SAT2: variants seen among roughly 807,000 people sequenced by gnomAD.
SAT2 encodes thialysine N-epsilon-acetyltransferase.
SAT2 carries 19 observed loss-of-function variants against 24.8 expected under a neutral mutation model. The ratio of observed to expected loss-of-function variants is 0.77; its 90% CI spans 0.53 to 1.12. The LOEUF (loss-of-function observed/expected upper bound fraction) is 1.12, where lower values mean the gene tolerates loss of function less well. Ranked by LOEUF, SAT2 falls within the 50% of genes most tolerant of loss-of-function variation. The pLI is 0.00. For missense variants in SAT2, 190 were observed against 210.7 expected, an observed-to-expected ratio of 0.90 and a Z score of 0.61; for synonymous variants, 77 against 77.4, an observed-to-expected ratio of 0.99 and a Z score of 0.03.
rs760884416 is a variant in SAT2 at position 7,626,487 on chromosome 17, C to A, written c.473G>T (p.Cys158Phe). 6.2e-7 allele frequency: 1 copy of A among 1,614,140 alleles called. No homozygotes were observed. Among genetic ancestry groups the A allele is most frequent in the Non-Finnish European group, 8.5e-7 (1 of 1,180,024 alleles). ...LTEAEGWHFFCFQGEATRKLA... is the reference protein window; with the variant it reads ...LTEAEGWHFFFFQGEATRKLA... The stretch of plus-strand genomic sequence containing the variant: ...CTTTCTCGTTGCCTCTCCTTGAAAG[C>A]AGAAGAAGTGCCAGCCCTCAGCTTC... The change falls in exon 6 of 6, where the codon TGC (cysteine) becomes TTC (phenylalanine). Residue 158 changes from cysteine (C) to phenylalanine (F), a missense_variant. Cys to Phe is a radical substitution (Grantham distance 205). Coordinates refer to ENST00000269298, the MANE Select transcript of SAT2 (RefSeq NM_133491.5).
In SAT2 at chr17:7,627,453, G is replaced by T. The variant is rs2072250357; in HGVS notation, c.67-39C>A. 6.2e-7 allele frequency: 1 copy of T among 1,612,094 alleles called. No homozygotes were observed. Among genetic ancestry groups the T allele is most frequent in the Non-Finnish European group, 8.5e-7 (1 of 1,178,440 alleles). ...ACGGAAGCTAGATTAGAGCAGAAGG[G>T]CCCCGCTGCTCCCCGAGCAGGTTCC... is the stretch of plus-strand genomic sequence containing the variant. On this transcript the variant is annotated intron_variant, in intron 1 of 5. Transcript: ENST00000269298. This position sits in a 1 kb window ranked among gnomAD's most constrained non-coding sequence, Gnocchi z 4.8.
In SAT2 at chr17:7,626,269, A is replaced by G. The variant is rs969586217; in HGVS notation, c.*178T>C. 3.1e-6 allele frequency: 2 copies of G among 648,606 alleles called. No homozygotes were observed. Among genetic ancestry groups the G allele is most frequent in the African/African-American group, 3.7e-5 (2 of 54,652 alleles). The allele number at this position is 648,606 out of a possible 1,614,324, so 40.2% of individuals were successfully genotyped here. A position where few individuals can be genotyped will look rare whatever the true frequency, so the allele number is the denominator to read the frequency against. On this transcript the variant is annotated 3_prime_UTR_variant, in exon 6 of 6. Coordinates refer to ENST00000269298, the MANE Select transcript of SAT2 (RefSeq NM_133491.5). ...TAATTCTTATTTATTTTTCACCCTC[A>G]ACAAGGAAGAAAGGTCTCTCCCTCA...
In SAT2 at chr17:7,627,759, G is replaced by A. The variant is rs764817192; in HGVS notation, c.-124C>T. 1 of 1,093,778 alleles carries A rather than the reference G, an allele frequency of 9.1e-7. No individual in the cohort carries two copies. Among genetic ancestry groups the A allele is most frequent in the Non-Finnish European group, 1.4e-6 (1 of 724,878 alleles). 67.8% of individuals were successfully genotyped at this position (1,093,778 alleles called of 1,614,324 possible). A position where few individuals can be genotyped will look rare whatever the true frequency, so the allele number is the denominator to read the frequency against. ...GAGCGGGGTGGCGGGAGTCGGGGGGGACGGCGGGGTAGCCGCGGCCTGGTA... is the reference window on the plus strand; with the variant it reads ...GAGCGGGGTGGCGGGAGTCGGGGGGAACGGCGGGGTAGCCGCGGCCTGGTA... On this transcript the variant is annotated 5_prime_UTR_variant, in exon 1 of 6. Coordinates refer to ENST00000269298, the MANE Select transcript of SAT2 (RefSeq NM_133491.5). This position sits in a 1 kb window ranked among gnomAD's most constrained non-coding sequence, Gnocchi z 4.8.
chr17:7,626,706 C>T (rs780112120), intron 5 of SAT2, 47 bp downstream of exon 5: 8 of 1,613,624 alleles, frequency 5.0e-6, no homozygotes, highest in African/African-American at 4.0e-5. Context: ...CCTCCATATA[C>T]CCTTGCTTCT....
In SAT2 at chr17:7,626,599, C is replaced by T; in HGVS notation, c.361G>A (p.Gly121Ser). ...ACGGCCAGGCGGAATTGGGAGCAGC[C>T]CTTATCCAAGGCCACCTGTGGGAGA... is the stretch of plus-strand genomic sequence containing the variant. ...KKVAEVALDKGCSQFRLAVLD... is the reference protein window; with the variant it reads ...KKVAEVALDKSCSQFRLAVLD... The change falls in exon 6 of 6, where the codon GGC becomes AGC. Residue 121 changes from glycine to serine, a missense_variant. Transcript: ENST00000269298. 6.2e-7 allele frequency: 1 copy of T among 1,613,290 alleles called. No homozygotes were observed. The highest frequency in any genetic ancestry group is 2.2e-5 in the East Asian group (1 of 44,860).
At position 7,627,030 on chromosome 17, in the gene SAT2, C is replaced by A; in HGVS notation, c.217G>T (p.Gly73Cys). 6.2e-7 allele frequency: 1 copy of A among 1,613,990 alleles called. No individual in the cohort carries two copies. The highest frequency in any genetic ancestry group is 8.5e-7 in the Non-Finnish European group (1 of 1,179,982). The change falls in exon 4 of 6, where the codon GGC becomes TGC. Residue 73 changes from glycine (G) to cysteine (C), a missense_variant. Transcript: ENST00000269298. The surrounding 1 kb of genome is among the most constrained non-coding windows in gnomAD (Gnocchi z 4.8). ...PGKLLGPCVV[G>C]YGIYYFIYST... Reference sequence around the variant, plus strand: ...TAGATGAAATAGTATATCCCATAGCCCACCACGCAGGGCCCTGAGAGAGAG... The same window carrying A: ...TAGATGAAATAGTATATCCCATAGCACACCACGCAGGGCCCTGAGAGAGAG...
chr17:7,626,882 G>A (rs1321251049), intron 4 of SAT2, 61 bp downstream of exon 4: 3 of 1,601,366 alleles, frequency 1.9e-6, no homozygotes, highest in African/African-American at 2.7e-5. Context: ...GGGGACAGGG[G>A]ATAACAGTGG....
At position 7,627,359 on chromosome 17, in the gene SAT2, C is replaced by G; in HGVS notation, c.118+4G>C. 6.2e-7 allele frequency: 1 copy of G among 1,614,162 alleles called. No individual in the cohort carries two copies. Among genetic ancestry groups the G allele is most frequent in the Non-Finnish European group, 8.5e-7 (1 of 1,180,018 alleles). ...CCGCCAGAACCTGGGCGCTGAGCCC[C>G]CACCTTCTTCACTGATCTTCACCTG... On this transcript the variant is annotated splice_donor_region_variant and intron_variant, in intron 2 of 5. Transcript: ENST00000269298. The surrounding 1 kb of genome is among the most constrained non-coding windows in gnomAD (Gnocchi z 4.8).
Position 7,626,243 on chromosome 17 carries a change from G to T in SAT2, c.*204C>A. 1.8e-6 allele frequency: 1 copy of T among 570,666 alleles called. No individual in the cohort carries two copies. Among genetic ancestry groups the T allele is most frequent in the Non-Finnish European group, 3.1e-6 (1 of 323,142 alleles). 35.4% of individuals were successfully genotyped at this position (570,666 alleles called of 1,614,324 possible). Reference sequence around the variant, plus strand: ...AAGACCCAACACCACATCAGGACATGTAATTCTTATTTATTTTTCACCCTC... The same window carrying T: ...AAGACCCAACACCACATCAGGACATTTAATTCTTATTTATTTTTCACCCTC... On this transcript the variant is annotated 3_prime_UTR_variant, in exon 6 of 6. Coordinates refer to ENST00000269298, the MANE Select transcript of SAT2 (RefSeq NM_133491.5).
At chr17:7,626,864 TG>T (rs1220714112) in intron 4 of SAT2, 71 bp from the exon 5 acceptor site, 1 of 1,606,548 alleles carries the variant, frequency 6.2e-7, no homozygotes, top group Non-Finnish European at 8.5e-7. Flanking sequence ...TGACACCGGC[TG>T]GGCTCTGGGG....
intron 5 of SAT2, 57 bp downstream of exon 5, chr17:7,626,696 C>A (rs1172132662): frequency 6.2e-7 from 1 of 1,612,838 alleles, no homozygotes; most frequent in Non-Finnish European, 8.5e-7. Flanking sequence ...CCGGGTCCCC[C>A]CTCCATATAC....
At position 7,626,309 on chromosome 17, in the gene SAT2, A is replaced by G. The variant is rs1022125505; in HGVS notation, c.*138T>C. On this transcript the variant is annotated 3_prime_UTR_variant, in exon 6 of 6. Coordinates refer to ENST00000269298, the MANE Select transcript of SAT2 (RefSeq NM_133491.5). ...TCTCTCCCTCAATTCTGCTCTTCCAATACTTGAGGATAGGCACCCCTAACC... is the reference window on the plus strand; with the variant it reads ...TCTCTCCCTCAATTCTGCTCTTCCAGTACTTGAGGATAGGCACCCCTAACC... The G allele has an allele frequency of 1.8e-5, 16 of 883,594 alleles. No homozygotes were observed. In the African/African-American group the frequency reaches 2.5e-4, roughly 14 times the overall value. The allele number at this position is 883,594 out of a possible 1,614,324, so 54.7% of individuals were successfully genotyped here. A position where few individuals can be genotyped will look rare whatever the true frequency, so the allele number is the denominator to read the frequency against.
At position 7,626,381 on chromosome 17, in the gene SAT2, C is replaced by A; in HGVS notation, c.*66G>T. ...CAGCATCAGTGTCTGTGGACGTAGT[C>A]TCTGAAGAGTGCTTCAGCTGATGGG... On this transcript the variant is annotated 3_prime_UTR_variant, in exon 6 of 6. Coordinates refer to ENST00000269298, the MANE Select transcript of SAT2 (RefSeq NM_133491.5). 1 of 1,569,694 alleles carries A rather than the reference C, an allele frequency of 6.4e-7. No homozygotes were observed. Among genetic ancestry groups the A allele is most frequent in the Non-Finnish European group, 8.7e-7 (1 of 1,149,266 alleles).
In SAT2 at chr17:7,626,809, A is replaced by G; in HGVS notation, c.305-16T>C. ...ATCCCTTGACCTGTTGTGGAGAGAA[A>G]GAGGCAAAAAATAGCTATTGTTTGA... On this transcript the variant is annotated splice_polypyrimidine_tract_variant and intron_variant, in intron 4 of 5. Coordinates refer to ENST00000269298, the MANE Select transcript of SAT2 (RefSeq NM_133491.5). 1.2e-6 allele frequency: 2 copies of G among 1,613,998 alleles called. No homozygotes were observed. Among genetic ancestry groups the G allele is most frequent in the Non-Finnish European group, 1.7e-6 (2 of 1,179,948 alleles).
chr17:7,626,282 G>T lies in SAT2; in HGVS notation c.*165C>A. 1 of 689,858 alleles carries T rather than the reference G, an allele frequency of 1.4e-6. No individual in the cohort carries two copies. The highest frequency in any genetic ancestry group is 2.6e-5 in the East Asian group (1 of 38,692). 42.7% of individuals were successfully genotyped at this position (689,858 alleles called of 1,614,324 possible). On this transcript the variant is annotated 3_prime_UTR_variant, in exon 6 of 6. Coordinates refer to ENST00000269298, the MANE Select transcript of SAT2 (RefSeq NM_133491.5). ...TTTTTCACCCTCAACAAGGAAGAAA[G>T]GTCTCTCCCTCAATTCTGCTCTTCC...
Position 7,627,018 on chromosome 17 carries a change from A to G in SAT2, c.229T>C (p.Tyr77His), listed in dbSNP as rs2072232822. 3 of 1,613,844 alleles carry G rather than the reference A, an allele frequency of 1.9e-6. No individual in the cohort carries two copies. The highest frequency in any genetic ancestry group is 1.1e-5 in the South Asian group (1 of 91,078). Residue 77 changes from tyrosine to histidine, a missense_variant, in exon 4 of 6, where the codon TAC becomes CAC. Coordinates refer to ENST00000269298, the MANE Select transcript of SAT2 (RefSeq NM_133491.5). The surrounding 1 kb of genome is among the most constrained non-coding windows in gnomAD (Gnocchi z 4.8). ...TTCCATGTACTGTAGATGAAATAGTATATCCCATAGCCCACCACGCAGGGC... is the reference window on the plus strand; with the variant it reads ...TTCCATGTACTGTAGATGAAATAGTGTATCCCATAGCCCACCACGCAGGGC... The part of the protein sequence containing the change: ...LGPCVVGYGI[Y>H]YFIYSTWKGR...
chr17:7,626,677 T>G, intron 5 of SAT2, 63 bp from the exon 6 acceptor site: 1 of 1,612,054 alleles, frequency 6.2e-7, no homozygotes, highest in Non-Finnish European at 8.5e-7. Flanking sequence ...TCTCACTCCC[T>G]CTTTCAACCC....
In SAT2 at chr17:7,627,508, T is replaced by G; in HGVS notation, c.66+62A>C. ...GCGAGCCCCTCCCCCTGCCCCCGCC[T>G]CCTACGACCCCGCTCTGGCCGCGCC... On this transcript the variant is annotated intron_variant, in intron 1 of 5. Coordinates refer to ENST00000269298, the MANE Select transcript of SAT2 (RefSeq NM_133491.5). The surrounding 1 kb of genome is among the most constrained non-coding windows in gnomAD (Gnocchi z 4.8). 5 of 1,228,912 alleles carry G rather than the reference T, an allele frequency of 4.1e-6. No individual in the cohort carries two copies. Among genetic ancestry groups the G allele is most frequent in the Non-Finnish European group, 5.9e-6 (5 of 843,902 alleles). 76.1% of individuals were successfully genotyped at this position (1,228,912 alleles called of 1,614,324 possible). A position where few individuals can be genotyped will look rare whatever the true frequency, so the allele number is the denominator to read the frequency against.
In SAT2 at chr17:7,626,640, T is replaced by C. The variant is rs535646478; in HGVS notation, c.346-26A>G. The C allele has an allele frequency of 1.9e-5, 30 of 1,611,350 alleles. No individual in the cohort carries two copies. In the African/African-American group the frequency reaches 3.9e-4, roughly 21 times the overall value. ...CTGTGGGAGAAGACAACACTAACTTTTCTGGGGTCAAAAAAGAAAAAGGTT... is the reference window on the plus strand; with the variant it reads ...CTGTGGGAGAAGACAACACTAACTTCTCTGGGGTCAAAAAAGAAAAAGGTT... On this transcript the variant is annotated intron_variant, in intron 5 of 5. Transcript: ENST00000269298.
Sources: gnomAD v4.1 joint callset for allele counts on GRCh38, gnomAD v4.1.1 for gene constraint, Gnocchi (gnomAD v3.1) non-coding constraint, MANE v1.5 for transcripts, NCBI Gene and HGNC (gene_info 2026-07-23, HGNC 2026-07-21) for gene names.